The following SEC24A variants were observed in gnomAD, a reference collection of about 807,000 sequenced individuals.
SEC24A encodes SEC24 homolog A, COPII component.
In SEC24A, 93 loss-of-function variants were observed where a neutral mutation model predicts 129.4. The observed-to-expected ratio is 0.72, with a 90% CI of 0.61 to 0.85. The LOEUF is 0.85. SEC24A is among the 40% of genes least tolerant of loss of function. SEC24A has a pLI of 0.00. For missense variants in SEC24A, 1,264 were observed against 1,307.4 expected (o/e 0.97, Z 0.51); for synonymous variants, 460 against 467.3 (o/e 0.98, Z 0.20).
chr5:134,705,330 A>G lies in SEC24A; in HGVS notation c.2444A>G (p.Glu815Gly). 2 of 1,611,982 alleles carry G rather than the reference A, an allele frequency of 1.2e-6. No individual in the cohort carries two copies. Among genetic ancestry groups the G allele is most frequent in the South Asian group, 2.2e-5 (2 of 90,946 alleles). Reference sequence around the variant, plus strand: ...TGTTTGTGTATTTTCCCCAAAGGCGAAAGAAGAATTCGTGTTCATACTTTG... The same window carrying G: ...TGTTTGTGTATTTTCCCCAAAGGCGGAAGAAGAATTCGTGTTCATACTTTG... ...SALLYTSSKG[E>G]RRIRVHTLCL... Residue 815 changes from glutamate (E) to glycine (G), a missense_variant, in exon 17 of 23, where the codon GAA becomes GGA. By Grantham distance (98) the Glu-to-Gly change is moderately conservative (BLOSUM62 -2). Transcript: ENST00000398844.
chr5:134,702,304 C>A (rs1752028614), intron 15 of SEC24A, among the ~76,000 whole-genome samples: 1 of 152,208 alleles, frequency 6.6e-6, no homozygotes, highest in South Asian at 2.1e-4. Context: ...CACATGCCAC[C>A]ATGCCCAGCA....
At chr5:134,695,843 A>G (rs1053077682) in intron 13 of SEC24A, among the ~76,000 whole-genome samples, 5 of 151,132 alleles carry the variant, frequency 3.3e-5, no homozygotes, top group African/African-American at 9.7e-5. Flanking sequence ...AGTCCCAGCT[A>G]CTTGGGAGGC....
intron 6 of SEC24A, 32 bp downstream of exon 6, chr5:134,675,249 C>T (rs372304404): frequency 9.7e-6 from 15 of 1,548,008 alleles, no homozygotes; most frequent in Non-Finnish European, 1.2e-5. Context: ...TATGCATGTC[C>T]GAAAAGTTTT....
At chr5:134,723,336 G>A (rs1345002914) in intron 21 of SEC24A, among the ~76,000 whole-genome samples, 3 of 151,960 alleles carry the variant, frequency 2.0e-5, no homozygotes, top group African/African-American at 7.3e-5. Context: ...ATGGTGGCAC[G>A]CATCTGTAGT....
In SEC24A at chr5:134,727,659, T is replaced by C. The variant is rs756764736; in HGVS notation, c.*2565T>C. 1 of 152,582 alleles carries C rather than the reference T, an allele frequency of 6.6e-6. No individual in the cohort carries two copies. The highest frequency in any genetic ancestry group is 1.5e-5 in the Non-Finnish European group (1 of 68,004). The allele number at this position is 152,582 out of a possible 1,614,324, so 9.5% of individuals were successfully genotyped here. A position where few individuals can be genotyped will look rare whatever the true frequency, so the allele number is the denominator to read the frequency against. ...TAGAAATTTTAATTTTGTAAAGTAG[T>C]GTATAATATTGTAATATTAAATTCT... On this transcript the variant is annotated 3_prime_UTR_variant, in exon 23 of 23. Coordinates refer to ENST00000398844, the MANE Select transcript of SEC24A (RefSeq NM_021982.3).
chr5:134,674,406 A>G (rs1750978800), intron 4 of SEC24A, among the ~76,000 whole-genome samples: 1 of 152,244 alleles, frequency 6.6e-6, no homozygotes, highest in Middle Eastern at 3.4e-3. Context: ...GCATGATGGC[A>G]CACACCAGTC....
Position 134,681,456 on chromosome 5 carries a change from GT to G in SEC24A, c.1382-916del, listed in dbSNP as rs1424170271. On this transcript the variant is annotated intron_variant, in intron 8 of 22. Transcript: ENST00000398844. ...AGTTTTATTGTTTGTGTGTGTGTGT[GT>G]GTGTGTGTGTGTGTGTGTGTGTTTT... is the stretch of plus-strand genomic sequence containing the variant. 3.5e-3 allele frequency among the ~76,000 whole-genome samples: 532 copies of G among 151,926 alleles called. 4 individuals are homozygous for G. The highest frequency in any genetic ancestry group is 0.012 in the African/African-American group (511 of 41,444).
chr5:134,702,368 A>T (rs1752029983), intron 15 of SEC24A, among the ~76,000 whole-genome samples: 1 of 152,188 alleles, frequency 6.6e-6, no homozygotes, highest in Non-Finnish European at 1.5e-5. Context: ...CACAAGCAAC[A>T]TGTGCATCTG....
At chr5:134,671,191 G>A (rs1351566021) in intron 3 of SEC24A, among the ~76,000 whole-genome samples, 1 of 151,776 alleles carries the variant, frequency 6.6e-6, no homozygotes, top group Non-Finnish European at 1.5e-5. Context: ...ACAGGCATGT[G>A]CTGATTACAG....
intron 1 of SEC24A, among the ~76,000 whole-genome samples, chr5:134,660,400 A>T (rs951658901): frequency 6.6e-6 from 1 of 152,034 alleles, no homozygotes; most frequent in African/African-American, 2.4e-5. Context: ...AGTAAATAAA[A>T]TTGTAATACA....
intron 1 of SEC24A, among the ~76,000 whole-genome samples, chr5:134,653,239 C>T (rs114528147): frequency 1.2e-3 from 179 of 152,022 alleles, no homozygotes; most frequent in African/African-American, 4.0e-3. Context: ...ATACCCGTTC[C>T]AGTTTCGTTT....
chr5:134,675,017 T>A, intron 5 of SEC24A, 28 bp from the exon 6 acceptor site: 1 of 1,528,066 alleles, frequency 6.5e-7, no homozygotes, highest in African/African-American at 1.4e-5. Flanking sequence ...TAATAAAAGT[T>A]ACTTACTTTA....
At chr5:134,686,710 G>T in intron 9 of SEC24A, 80 bp from the exon 10 acceptor site, 1 of 700,640 alleles carries the variant, frequency 1.4e-6, no homozygotes. Context: ...TTTTTAAATT[G>T]TTTTGCTGTA....
In SEC24A at chr5:134,727,105, T is replaced by G. The variant is rs1752772003; in HGVS notation, c.*2011T>G. 6.6e-6 allele frequency: 1 copy of G among 152,610 alleles called. No homozygotes were observed. The highest frequency in any genetic ancestry group is 1.5e-5 in the Non-Finnish European group (1 of 68,006). The allele number at this position is 152,610 out of a possible 1,614,324, so 9.5% of individuals were successfully genotyped here. The stretch of plus-strand genomic sequence containing the variant: ...GAATGAGCCTTTGGAGATACTGATA[T>G]AAGGCAATTATTTTTTGCAATGTTG... On this transcript the variant is annotated 3_prime_UTR_variant, in exon 23 of 23. Transcript: ENST00000398844.
intron 2 of SEC24A, among the ~76,000 whole-genome samples, chr5:134,664,884 C>T (rs1188651188): frequency 6.7e-6 from 1 of 149,190 alleles, no homozygotes. Context: ...CTGCAACCTC[C>T]GCCTCCCAGG....
rs1380826253 is a variant in SEC24A, at chr5:134,671,873, A to T, written c.804A>T (p.Gly268=). ...VVHSSYDEIE[G]GGLLATPQLT... ...ACAGTAGTTACGACGAGATTGAAGG[A>T]GGTGGCTTATTGGGTGAGATGCTAT... Residue 268 remains glycine, a synonymous_variant, in exon 4 of 23, where the codon GGA becomes GGT. Coordinates refer to ENST00000398844, the MANE Select transcript of SEC24A (RefSeq NM_021982.3). 6.2e-6 allele frequency: 10 copies of T among 1,607,856 alleles called. No individual in the cohort carries two copies. In the Admixed American group the frequency reaches 1.5e-4, roughly 24 times the overall value.
At position 134,679,599 on chromosome 5, in the gene SEC24A, CA is replaced by C. The variant is rs777750638; in HGVS notation, c.1255-2del. 2.0e-6 allele frequency: 3 copies of C among 1,528,426 alleles called. No individual in the cohort carries two copies. The South Asian group carries it at 3.8e-5, about 19-fold the overall frequency. The allele number at this position is 1,528,426 out of a possible 1,614,324, so 94.7% of individuals were successfully genotyped here. A position where few individuals can be genotyped will look rare whatever the true frequency, so the allele number is the denominator to read the frequency against. On this transcript the variant is annotated splice_acceptor_variant, in intron 7 of 22. Transcript: ENST00000398844. LOFTEE classifies it high-confidence loss of function. ...AAATTTAATTCTGTTTTTTTTTTTCCAGCAATTGCCTGTGGTTACCTCCAGT... is the reference window on the plus strand; with the variant it reads ...AAATTTAATTCTGTTTTTTTTTTTCCGCAATTGCCTGTGGTTACCTCCAGT...
In SEC24A at chr5:134,679,586, G is replaced by GTTT. The variant is rs752585763; in HGVS notation, c.1255-7_1255-5dup. On this transcript the variant is annotated splice_polypyrimidine_tract_variant and intron_variant, in intron 7 of 22. Coordinates refer to ENST00000398844, the MANE Select transcript of SEC24A (RefSeq NM_021982.3). ...TTTTTGCCTTTAAAAATTTAATTCT[G>GTTT]TTTTTTTTTTTCCAGCAATTGCCTG... The GTTT allele has an allele frequency of 2.6e-5, 31 of 1,213,980 alleles. No homozygotes were observed. The highest frequency in any genetic ancestry group is 8.8e-5 in the East Asian group (3 of 33,970). The allele number at this position is 1,213,980 out of a possible 1,614,324, so 75.2% of individuals were successfully genotyped here. A position where few individuals can be genotyped will look rare whatever the true frequency, so the allele number is the denominator to read the frequency against.
rs1652839867 is a variant in SEC24A, at chr5:134,725,261, A to G, written c.*167A>G. ...TAGCAAATAAAAGACCACAGCAGAG[A>G]ATCAAACATGCAACTCTGAAATACT... On this transcript the variant is annotated 3_prime_UTR_variant, in exon 23 of 23. Coordinates refer to ENST00000398844, the MANE Select transcript of SEC24A (RefSeq NM_021982.3). The G allele has an allele frequency of 3.9e-6, 2 of 516,646 alleles. No individual in the cohort carries two copies. Among genetic ancestry groups the G allele is most frequent in the African/African-American group, 4.0e-5 (2 of 50,166 alleles). The allele number at this position is 516,646 out of a possible 1,614,324, so 32.0% of individuals were successfully genotyped here.
Sources: gnomAD v4.1 joint callset for allele counts (sites outside exome capture counted in the v4.1 genomes callset) on GRCh38, gnomAD v4.1.1 for gene constraint, MANE v1.5 for transcripts, NCBI Gene and HGNC (gene_info 2026-07-23, HGNC 2026-07-21) for gene names.